DCAF1: variants seen among roughly 807,000 people sequenced by gnomAD.
DCAF1 encodes DDB1- and CUL4-associated factor 1.
A neutral mutation model predicts 128.0 loss-of-function variants in DCAF1; 15 were observed. The ratio of observed to expected loss-of-function variants is 0.12; its 90% CI spans 0.08 to 0.18. DCAF1 has a LOEUF of 0.18. Among genes scored for constraint, DCAF1 ranks in the 10% least tolerant of loss-of-function variants. The probability of loss-of-function intolerance (pLI) is 1.00; values close to 1 mark genes in which losing one functional copy is unlikely to be tolerated. For synonymous variants in DCAF1, 610 were observed against 603.0 expected (o/e 1.01, Z -0.17); for missense variants, 988 against 1,649.5 (o/e 0.60, Z 6.95).
intron 3 of DCAF1, among the ~76,000 whole-genome samples, chr3:51,477,142 G>C (rs566601124): frequency 2.6e-5 from 4 of 151,874 alleles, no homozygotes; most frequent in Admixed American, 6.6e-5. Context: ...CCTTTCAACA[G>C]AATCAAGTCA....
chr3:51,428,275 G>A (rs545747857), intron 12 of DCAF1, among the ~76,000 whole-genome samples: 44 of 149,720 alleles, frequency 2.9e-4, no homozygotes, highest in African/African-American at 9.8e-4. Flanking sequence ...CCCCAGACTC[G>A]AGTGACTCTC....
intron 3 of DCAF1, among the ~76,000 whole-genome samples, chr3:51,483,406 C>T (rs1316976154): frequency 3.3e-5 from 5 of 151,416 alleles, no homozygotes; most frequent in African/African-American, 1.2e-4. Context: ...CACCATTGTA[C>T]TCCAGCCTGG....
At position 51,463,192 on chromosome 3, in the gene DCAF1, G is replaced by A. The variant is rs782412739; in HGVS notation, c.297C>T (p.Pro99=). 1.9e-6 allele frequency: 3 copies of A among 1,592,154 alleles called. No individual in the cohort carries two copies. Among genetic ancestry groups the A allele is most frequent in the African/African-American group, 2.7e-5 (2 of 74,072 alleles). The part of the protein sequence containing the change: ...VNAYVMTSRE[P]PLNTAACRLL... ...GTCTGCAAGCTGCAGTGTTTAAAGG[G>A]GGCTCTCGGCTTGTCATCACATATG... Residue 99 remains proline, a synonymous_variant, in exon 6 of 25, where the codon CCC becomes CCT. Coordinates refer to ENST00000684031, the MANE Select transcript of DCAF1 (RefSeq NM_001387579.1).
chr3:51,450,927 T>C (rs1330599445), intron 6 of DCAF1, among the ~76,000 whole-genome samples: 1 of 152,004 alleles, frequency 6.6e-6, no homozygotes, highest in Non-Finnish European at 1.5e-5. Context: ...TGATCTTATA[T>C]GTGTAAAACC....
Position 51,491,756 on chromosome 3 carries a change from A to C in DCAF1, c.-9+4978T>G, listed in dbSNP as rs528798478. 2.0e-5 allele frequency among the ~76,000 whole-genome samples: 3 copies of C among 152,004 alleles called. No homozygotes were observed. In the East Asian group the frequency reaches 5.8e-4, roughly 29 times the overall value. On this transcript the variant is annotated intron_variant, in intron 2 of 24. Coordinates refer to ENST00000684031, the MANE Select transcript of DCAF1 (RefSeq NM_001387579.1). ...CTACTCAGGGGGGCTGAGGCAGGAG[A>C]ACTGCTTGAATCCAGGAGGCGGAGG...
intron 24 of DCAF1, among the ~76,000 whole-genome samples, chr3:51,399,339 CA>C (rs1577033358): frequency 6.6e-6 from 1 of 152,198 alleles, no homozygotes; most frequent in Admixed American, 6.5e-5. Flanking sequence ...GACCGACCAC[CA>C]AGGCAGAGAT....
At chr3:51,429,906 C>T (rs1553635117) in intron 11 of DCAF1, 127 bp downstream of exon 11, 6 of 582,848 alleles carry the variant, frequency 1.0e-5, no homozygotes, top group Non-Finnish European at 1.8e-5. Context: ...AAAAAAACTT[C>T]ACAAAAAGAA....
intron 13 of DCAF1, among the ~76,000 whole-genome samples, chr3:51,426,356 C>T (rs1365136717): frequency 2.6e-5 from 4 of 151,954 alleles, no homozygotes; most frequent in South Asian, 4.2e-4. Flanking sequence ...ACTACAGGTG[C>T]GTAACACCAC....
intron 5 of DCAF1, among the ~76,000 whole-genome samples, chr3:51,466,471 C>T (rs1553646528): frequency 1.3e-5 from 2 of 152,190 alleles, no homozygotes; most frequent in Admixed American, 1.3e-4. Flanking sequence ...TTCTATCCCT[C>T]TACATGCCCA....
At chr3:51,492,072 GC>G (rs1707715843) in intron 2 of DCAF1, among the ~76,000 whole-genome samples, 1 of 149,280 alleles carries the variant, frequency 6.7e-6, no homozygotes, top group Non-Finnish European at 1.5e-5. Context: ...GAGGGGAATC[GC>G]TTGAACCTGC....
chr3:51,469,783 G>A (rs1328490777), intron 4 of DCAF1, among the ~76,000 whole-genome samples: 2 of 152,054 alleles, frequency 1.3e-5, no homozygotes, highest in African/African-American at 4.8e-5. Context: ...CACTTTGGGA[G>A]GTGGAGGCGG....
intron 3 of DCAF1, among the ~76,000 whole-genome samples, chr3:51,478,111 C>T (rs1180845688): frequency 6.6e-6 from 1 of 152,106 alleles, no homozygotes; most frequent in Non-Finnish European, 1.5e-5. Flanking sequence ...TCAAGCAATC[C>T]TCCTACCTCA....
chr3:51,412,563 G>A, intron 22 of DCAF1, 83 bp from the exon 23 acceptor site: 1 of 1,585,342 alleles, frequency 6.3e-7, no homozygotes, highest in Non-Finnish European at 8.6e-7. Context: ...TGGTGCCCAT[G>A]ACCTTGACCC....
intron 23 of DCAF1, among the ~76,000 whole-genome samples, chr3:51,406,386 G>A (rs1327675899): frequency 1.4e-5 from 2 of 143,818 alleles, no homozygotes; most frequent in African/African-American, 2.6e-5. Context: ...CTAGAATCCT[G>A]ACTCAACTCT....
chr3:51,434,212 G>A (rs1700626582), intron 9 of DCAF1, among the ~76,000 whole-genome samples: 1 of 152,142 alleles, frequency 6.6e-6, no homozygotes. Flanking sequence ...GGCCAGCCTG[G>A]ACAACATAGC....
chr3:51,480,707 G>T (rs1706080052), intron 3 of DCAF1, among the ~76,000 whole-genome samples: 1 of 151,872 alleles, frequency 6.6e-6, no homozygotes, highest in South Asian at 2.1e-4. Flanking sequence ...TACTTATGAT[G>T]TGATGCCATT....
intron 16 of DCAF1, 48 bp from the exon 17 acceptor site, chr3:51,418,246 C>G (rs1553631122): frequency 6.4e-7 from 1 of 1,564,652 alleles, no homozygotes; most frequent in East Asian, 2.3e-5. Flanking sequence ...TACATACATG[C>G]AGATGTCACT....
intron 23 of DCAF1, among the ~76,000 whole-genome samples, chr3:51,407,051 G>A (rs1553626849): frequency 6.6e-6 from 1 of 151,836 alleles, no homozygotes; most frequent in Admixed American, 6.6e-5. Context: ...AATTAGTCGG[G>A]TGTGGTGGCA....
At chr3:51,482,059 A>G (rs576890748) in intron 3 of DCAF1, among the ~76,000 whole-genome samples, 1 of 152,146 alleles carries the variant, frequency 6.6e-6, no homozygotes, top group African/African-American at 2.4e-5. Flanking sequence ...GGTAGGGAAT[A>G]AAAAAAGCAT....
Sources: gnomAD v4.1 joint callset for allele counts (sites outside exome capture counted in the v4.1 genomes callset) on GRCh38, gnomAD v4.1.1 for gene constraint, MANE v1.5 for transcripts, NCBI Gene and HGNC (gene_info 2026-07-23, HGNC 2026-07-21) for gene names.